The following DLGAP1 variants were observed in gnomAD, a reference collection of about 807,000 sequenced individuals.
DLGAP1 encodes disks large-associated protein 1.
Under a neutral mutation model 90.8 loss-of-function variants are expected in DLGAP1, and 11 were observed. The ratio of observed to expected loss-of-function variants is 0.12; its 90% CI spans 0.08 to 0.20. The LOEUF (loss-of-function observed/expected upper bound fraction) is 0.20, where lower values mean the gene tolerates loss of function less well. DLGAP1 is among the 10% of genes least tolerant of loss of function. DLGAP1 has a pLI of 1.00. For synonymous variants in DLGAP1, 558 were observed against 540.7 expected, an observed-to-expected ratio of 1.03 and a Z score of -0.44; for missense variants, 1,050 against 1,333.8, an observed-to-expected ratio of 0.79 and a Z score of 3.31.
At chr18:4,407,635 T>C (rs1228770196) in intron 1 of DLGAP1, among the ~76,000 whole-genome samples, 3 of 151,978 alleles carry the variant, frequency 2.0e-5, no homozygotes, top group Non-Finnish European at 2.9e-5. Flanking sequence ...TCCCAGCACT[T>C]TGGGAGGCTG....
intron 7 of DLGAP1, among the ~76,000 whole-genome samples, chr18:3,725,882 A>G (rs1309180538): frequency 1.3e-5 from 2 of 152,352 alleles, no homozygotes; most frequent in African/African-American, 2.4e-5. Context: ...GCCCATCTTC[A>G]TAATTCTCTC....
intron 1 of DLGAP1, chr18:4,431,221 C>T (rs1366504262): frequency 6.6e-6 from 1 of 152,324 alleles, no homozygotes; most frequent in Non-Finnish European, 1.5e-5. Flanking sequence ...TTTGAAAGGA[C>T]CCACTAAGAT....
intron 1 of DLGAP1, among the ~76,000 whole-genome samples, chr18:4,446,120 G>A (rs1179382366): frequency 1.3e-5 from 2 of 152,128 alleles, no homozygotes; most frequent in East Asian, 3.9e-4. Flanking sequence ...GGTGGAGGCT[G>A]ATGCAAGAGA....
At chr18:3,593,445 G>A (rs543897198) in intron 7 of DLGAP1, among the ~76,000 whole-genome samples, 2 of 152,300 alleles carry the variant, frequency 1.3e-5, no homozygotes, top group South Asian at 4.1e-4. Context: ...GTTGGGGTGG[G>A]TCATACACCA....
intron 3 of DLGAP1, chr18:3,983,639 T>C (rs1402474916): frequency 6.6e-6 from 1 of 152,220 alleles, no homozygotes; most frequent in African/African-American, 2.4e-5. Flanking sequence ...GAACAAAGAA[T>C]GATTAATACC....
rs140486541 is a variant in DLGAP1, at chr18:4,411,514, C to T, written c.-267+43492G>A. Reference sequence around the variant, plus strand: ...TTAGAGCAAAGTGAATAGATCAGAGCGAGTCAATTTCTATTTTCCATTGCT... The same window carrying T: ...TTAGAGCAAAGTGAATAGATCAGAGTGAGTCAATTTCTATTTTCCATTGCT... On this transcript the variant is annotated intron_variant, in intron 1 of 12. Transcript: ENST00000315677. Among the ~76,000 whole-genome samples the T allele has an allele frequency of 2.7e-4, 41 of 152,220 alleles. 1 individual carries two copies. In the East Asian group the frequency reaches 3.7e-3, roughly 14 times the overall value.
chr18:4,442,742 A>G (rs1336209486), intron 1 of DLGAP1, among the ~76,000 whole-genome samples: 1 of 152,258 alleles, frequency 6.6e-6, no homozygotes, highest in Non-Finnish European at 1.5e-5. Context: ...GAGCACAGTA[A>G]TTCAATCCTC....
rs76161924 is a variant in DLGAP1, at chr18:3,832,087, G to A, written c.958-17814C>T. On this transcript the variant is annotated intron_variant, in intron 4 of 12. Coordinates refer to ENST00000315677, the MANE Select transcript of DLGAP1 (RefSeq NM_004746.4). ...AACTGTAATGAGAGAAGAATGCTTC[G>A]TCAAGATAATAAATGATTACCTTTG... Among the ~76,000 whole-genome samples the A allele has an allele frequency of 9.0e-3, 1,376 of 152,184 alleles. 19 individuals carry two copies. Among genetic ancestry groups the A allele is most frequent in the Non-Finnish European group, 0.011 (733 of 68,010 alleles).
At chr18:4,109,405 G>T (rs12953357) in intron 2 of DLGAP1, among the ~76,000 whole-genome samples, 1 of 151,910 alleles carries the variant, frequency 6.6e-6, no homozygotes, top group South Asian at 2.1e-4. Flanking sequence ...GTACATCAGC[G>T]TGGGGCATTA....
chr18:4,217,451 A>C (rs2077981474), intron 1 of DLGAP1, among the ~76,000 whole-genome samples: 1 of 152,098 alleles, frequency 6.6e-6, no homozygotes, highest in South Asian at 2.1e-4. Flanking sequence ...ACTGTTTTCC[A>C]AAGTGGCTGT....
At chr18:4,380,326 C>T (rs1422885759) in intron 1 of DLGAP1, among the ~76,000 whole-genome samples, 1 of 152,086 alleles carries the variant, frequency 6.6e-6, no homozygotes, top group Non-Finnish European at 1.5e-5. Flanking sequence ...TTACAATGAC[C>T]TTTAAGAAGT....
In DLGAP1 at chr18:4,128,242, C is replaced by T. The variant is rs145289769; in HGVS notation, c.-159+22938G>A. ...TCTTGTTATTATTCTCTAAACAATACAGTATAACAATTACTTACATAAGAT... is the reference window on the plus strand; with the variant it reads ...TCTTGTTATTATTCTCTAAACAATATAGTATAACAATTACTTACATAAGAT... On this transcript the variant is annotated intron_variant, in intron 2 of 12. Coordinates refer to ENST00000315677, the MANE Select transcript of DLGAP1 (RefSeq NM_004746.4). Among the ~76,000 whole-genome samples, 673 of 152,144 alleles carry T rather than the reference C, an allele frequency of 4.4e-3. 8 individuals carry two copies. Among genetic ancestry groups the T allele is most frequent in the South Asian group, 0.015 (71 of 4,822 alleles).
intron 9 of DLGAP1, among the ~76,000 whole-genome samples, chr18:3,555,703 A>G (rs1485921812): frequency 3.3e-5 from 5 of 152,038 alleles, no homozygotes; most frequent in Non-Finnish European, 2.9e-5. Flanking sequence ...CTAGCTACTT[A>G]GGAGGCTGAG....
intron 1 of DLGAP1, among the ~76,000 whole-genome samples, chr18:4,230,097 G>C (rs1347563368): frequency 6.6e-6 from 1 of 151,982 alleles, no homozygotes; most frequent in East Asian, 1.9e-4. Context: ...TAGCACCCCA[G>C]TTAAAATGGC....
At chr18:4,193,251 C>T (rs765170300) in intron 1 of DLGAP1, among the ~76,000 whole-genome samples, 21 of 152,192 alleles carry the variant, frequency 1.4e-4, no homozygotes, top group Admixed American at 3.3e-4. Context: ...TACTGATACA[C>T]GGCCAGCTCT....
chr18:4,239,150 AT>A (rs947529611), intron 1 of DLGAP1, among the ~76,000 whole-genome samples: 2 of 152,276 alleles, frequency 1.3e-5, no homozygotes, highest in African/African-American at 4.8e-5. Context: ...TTTAATTCAT[AT>A]CTTATGGTTG....
At chr18:3,599,548 C>T (rs368940324) in intron 7 of DLGAP1, among the ~76,000 whole-genome samples, 3 of 152,190 alleles carry the variant, frequency 2.0e-5, no homozygotes, top group Admixed American at 1.3e-4. Context: ...TGGAGGGTGG[C>T]AATGGAGTGG....
At chr18:3,507,170 T>C (rs1474778346) in intron 11 of DLGAP1, among the ~76,000 whole-genome samples, 1 of 152,088 alleles carries the variant, frequency 6.6e-6, no homozygotes, top group East Asian at 1.9e-4. Flanking sequence ...TCTGTATTTC[T>C]CCTTGTTAAC....
At chr18:4,439,949 G>A (rs1469551292) in intron 1 of DLGAP1, among the ~76,000 whole-genome samples, 1 of 150,992 alleles carries the variant, frequency 6.6e-6, no homozygotes, top group South Asian at 2.1e-4. Flanking sequence ...AAACCCCGTA[G>A]CTCTACTAAA....
Sources: gnomAD v4.1 joint callset for allele counts (sites outside exome capture counted in the v4.1 genomes callset) on GRCh38, gnomAD v4.1.1 for gene constraint, MANE v1.5 for transcripts, NCBI Gene and HGNC (gene_info 2026-07-23, HGNC 2026-07-21) for gene names.